NSD1: variants seen among roughly 807,000 people sequenced by gnomAD.
The protein encoded by NSD1 is nuclear receptor binding SET domain protein 1.
NSD1 carries 26 observed loss-of-function variants against 242.7 expected under a neutral mutation model. That is an observed-to-expected ratio of 0.11 (90% CI 0.08 to 0.15). NSD1 has a LOEUF of 0.15. NSD1 is among the 10% of genes least tolerant of loss of function. NSD1 has a pLI of 1.00. For synonymous variants in NSD1, 1,106 were observed against 1,178.1 expected (o/e 0.94, Z 1.25); for missense variants, 2,495 against 3,272.8 (o/e 0.76, Z 5.80).
At chr5:177,239,009 C>T (rs546502739) in intron 7 of NSD1, among the ~76,000 whole-genome samples, 3 of 152,334 alleles carry the variant, frequency 2.0e-5, no homozygotes, top group African/African-American at 7.2e-5. Flanking sequence ...CTCACTTGAT[C>T]ATTCTTTATA....
intron 9 of NSD1, 92 bp downstream of exon 9, chr5:177,244,362 C>T (rs773860225): frequency 1.4e-5 from 13 of 901,432 alleles, no homozygotes; most frequent in Middle Eastern, 2.2e-4. Flanking sequence ...TGTGTAAGCC[C>T]GACCAGTGAG....
intron 3 of NSD1, among the ~76,000 whole-genome samples, chr5:177,193,924 C>T (rs1352828077): frequency 2.6e-5 from 4 of 151,766 alleles, no homozygotes; most frequent in East Asian, 3.9e-4. Context: ...ATTACAGGTG[C>T]GTGCCACCAT....
Position 177,248,199 on chromosome 5 carries a change from A to G in NSD1, c.4516A>G (p.Arg1506Gly), listed in dbSNP as rs1317557608. 40 of 1,614,040 alleles carry G rather than the reference A, an allele frequency of 2.5e-5. No homozygotes were observed. The highest frequency in any genetic ancestry group is 3.3e-5 in the Non-Finnish European group (39 of 1,180,028). ...PGSEGELMPH[R>G]TATSPKETVE... ...TTGCAAGGGAGAACTAATGCCTCACAGGACGGCCACAAGCCCCAAGGAGAC... is the reference window on the plus strand; with the variant it reads ...TTGCAAGGGAGAACTAATGCCTCACGGGACGGCCACAAGCCCCAAGGAGAC... The change falls in exon 11 of 23, where the codon AGG (arginine) becomes GGG (glycine). Residue 1506 changes from arginine (R) to glycine (G), a missense_variant. Around this residue, in one of 19 missense-constraint regions of NSD1, gnomAD observed 97 missense variants for 97.7 expected, o/e 0.99. Transcript: ENST00000439151.
chr5:177,295,106 G>GCGAAGCAGA lies in NSD1; in HGVS notation c.7739_7747dup (p.Gln2582_Met2583insThrLysGln). On this transcript the variant is annotated inframe_insertion, in exon 23 of 23. Transcript: ENST00000439151. This position sits in a 1 kb window ranked among gnomAD's most constrained non-coding sequence, Gnocchi z 4.3. The stretch of plus-strand genomic sequence containing the variant: ...CCAATCCCCGGGCCTGGTGAAGCAG[G>GCGAAGCAGA]CGAAGCAGATGGTCGGAGGCCAGCA... 2.5e-6 allele frequency: 4 copies of GCGAAGCAGA among 1,612,372 alleles called. No individual in the cohort carries two copies. Among genetic ancestry groups the GCGAAGCAGA allele is most frequent in the Non-Finnish European group, 3.4e-6 (4 of 1,178,842 alleles).
chr5:177,212,069 G>T lies in NSD1; in HGVS notation c.3670G>T (p.Ala1224Ser), dbSNP rs769992763. 3 of 1,614,118 alleles carry T rather than the reference G, an allele frequency of 1.9e-6. No homozygotes were observed. The highest frequency in any genetic ancestry group is 1.7e-6 in the Non-Finnish European group (2 of 1,180,026). The change falls in exon 5 of 23, where the codon GCT becomes TCT. Residue 1224 changes from alanine to serine, a missense_variant. Around this residue, in one of 19 missense-constraint regions of NSD1, gnomAD observed 426 missense variants for 411.4 expected, o/e 1.04. Coordinates refer to ENST00000439151, the MANE Select transcript of NSD1 (RefSeq NM_022455.5). Reference sequence around the variant, plus strand: ...GGAACCACTGACAGAGCAAAATCATGCTGACTGCTTAGATTCAGCTGGGCC... The same window carrying T: ...GGAACCACTGACAGAGCAAAATCATTCTGACTGCTTAGATTCAGCTGGGCC... The part of the protein sequence containing the change: ...LEEPLTEQNH[A>S]DCLDSAGPRL...
Position 177,238,539 on chromosome 5 carries a change from C to T in NSD1, c.4192+32C>T, listed in dbSNP as rs1041427066. 11 of 1,606,710 alleles carry T rather than the reference C, an allele frequency of 6.8e-6. No individual in the cohort carries two copies. Among genetic ancestry groups the T allele is most frequent in the Non-Finnish European group, 9.3e-6 (11 of 1,178,768 alleles). On this transcript the variant is annotated intron_variant, in intron 7 of 22. Transcript: ENST00000439151. The surrounding 1 kb of genome is among the most constrained non-coding windows in gnomAD (Gnocchi z 4.6). ...TGGGGTTGGGGTCTCAGTATTTGAG[C>T]AGATATGATTAGAGGAAGCAGGAGA...
At chr5:177,229,306 C>T (rs1238797454) in intron 5 of NSD1, among the ~76,000 whole-genome samples, 2 of 152,154 alleles carry the variant, frequency 1.3e-5, no homozygotes, top group Non-Finnish European at 2.9e-5. Context: ...CTTCACAATA[C>T]AGTGACATTT....
chr5:177,291,509 C>G (rs1442773628), intron 21 of NSD1, among the ~76,000 whole-genome samples: 1 of 152,022 alleles, frequency 6.6e-6, no homozygotes, highest in East Asian at 1.9e-4. Flanking sequence ...AAAAATTAGC[C>G]AGGAGTGGTG....
intron 4 of NSD1, among the ~76,000 whole-genome samples, chr5:177,204,787 T>G (rs552983239): frequency 6.6e-4 from 98 of 148,686 alleles, no homozygotes; most frequent in African/African-American, 2.3e-3. Context: ...GTTTTTTTTG[T>G]TTGTTTGTTT....
At position 177,269,890 on chromosome 5, in the gene NSD1, T is replaced by TC; in HGVS notation, c.5509+85dup. The TC allele has an allele frequency of 1.6e-6, 2 of 1,246,296 alleles. No individual in the cohort carries two copies. The highest frequency in any genetic ancestry group is 2.3e-6 in the Non-Finnish European group (2 of 887,194). The allele number at this position is 1,246,296 out of a possible 1,614,324, so 77.2% of individuals were successfully genotyped here. A position where few individuals can be genotyped will look rare whatever the true frequency, so the allele number is the denominator to read the frequency against. On this transcript the variant is annotated intron_variant, in intron 16 of 22. Coordinates refer to ENST00000439151, the MANE Select transcript of NSD1 (RefSeq NM_022455.5). The surrounding 1 kb of genome is among the most constrained non-coding windows in gnomAD (Gnocchi z 5.1). Reference sequence around the variant, plus strand: ...GATCTGTTTTAGAATTCACATATGCTCCATTTTGAAACTGCCTTTGTCCTC... The same window carrying TC: ...GATCTGTTTTAGAATTCACATATGCTCCCATTTTGAAACTGCCTTTGTCCTC...
chr5:177,206,442 C>G (rs1247342267), intron 4 of NSD1, among the ~76,000 whole-genome samples: 1 of 152,126 alleles, frequency 6.6e-6, no homozygotes, highest in South Asian at 2.1e-4. Context: ...GCTGGCAATA[C>G]TTGTAGACTA....
At chr5:177,195,760 G>A (rs1371781107) in intron 3 of NSD1, among the ~76,000 whole-genome samples, 3 of 152,060 alleles carry the variant, frequency 2.0e-5, no homozygotes, top group South Asian at 2.1e-4. Flanking sequence ...AGGAGCTACC[G>A]CACTCAGCCT....
At chr5:177,165,187 A>C (rs957471941) in intron 2 of NSD1, among the ~76,000 whole-genome samples, 2 of 152,116 alleles carry the variant, frequency 1.3e-5, no homozygotes, top group Non-Finnish European at 1.5e-5. Flanking sequence ...TATCCTATTT[A>C]TTTTGAGACA....
At chr5:177,148,047 CTG>C (rs1757397997) in intron 2 of NSD1, among the ~76,000 whole-genome samples, 1 of 151,654 alleles carries the variant, frequency 6.6e-6, no homozygotes, top group Non-Finnish European at 1.5e-5. Flanking sequence ...TTTTGTGTGA[CTG>C]TAAGTTTTCA....
At position 177,251,793 on chromosome 5, in the gene NSD1, G is replaced by C. The variant is rs1755988614; in HGVS notation, c.4705G>C (p.Glu1569Gln). 3 of 1,614,042 alleles carry C rather than the reference G, an allele frequency of 1.9e-6. No homozygotes were observed. Among genetic ancestry groups the C allele is most frequent in the Non-Finnish European group, 2.5e-6 (3 of 1,180,006 alleles). ...TCAGTGCTGTGGGGCTTTCCACCTG[G>C]AGTGCCTTGGATTGACTGAGATGCC... ...EAQCCGAFHL[E>Q]CLGLTEMPRG... The change falls in exon 12 of 23, where the codon GAG becomes CAG. Residue 1569 changes from glutamate to glutamine, a missense_variant. Glu to Gln is a conservative substitution (Grantham distance 29, BLOSUM62 2). Around this residue, in one of 19 missense-constraint regions of NSD1, gnomAD observed 27 missense variants for 43.1 expected, o/e 0.63. Transcript: ENST00000439151.
chr5:177,252,499 TGGTAAAGCACTTCATAAA>T (rs1262148521), intron 12 of NSD1, among the ~76,000 whole-genome samples: 3 of 149,486 alleles, frequency 2.0e-5, no homozygotes, highest in Admixed American at 6.7e-5. Context: ...TGAGACCAGC[TGGTAAAGCACTTCATAAA>T]GCTGCGCTAA....
chr5:177,251,592 A>G (rs1024789763), intron 11 of NSD1, 138 bp from the exon 12 acceptor site: 6 of 781,118 alleles, frequency 7.7e-6, no homozygotes, highest in Admixed American at 7.3e-5. Context: ...ACTAAAATCT[A>G]CAACTACGGG....
rs1394176709 is a variant in NSD1, at chr5:177,134,983, C to G, written c.-17-104C>G. On this transcript the variant is annotated intron_variant, in intron 1 of 22. Transcript: ENST00000439151. The surrounding 1 kb of genome is among the most constrained non-coding windows in gnomAD (Gnocchi z 4.2). ...ACTTTTTCTGCCCATGGAAGTGCAG[C>G]AGAAAGGCATAGAGGCCACTAGGCC... The G allele has an allele frequency of 7.1e-6, 7 of 984,078 alleles. No homozygotes were observed. Among genetic ancestry groups the G allele is most frequent in the Non-Finnish European group, 1.1e-5 (7 of 632,228 alleles). The allele number at this position is 984,078 out of a possible 1,614,324, so 61.0% of individuals were successfully genotyped here. A position where few individuals can be genotyped will look rare whatever the true frequency, so the allele number is the denominator to read the frequency against.
In NSD1 at chr5:177,280,669, T is replaced by A; in HGVS notation, c.5727T>A (p.Ser1909=). 1.9e-6 allele frequency: 3 copies of A among 1,614,218 alleles called. No homozygotes were observed. Among genetic ancestry groups the A allele is most frequent in the Non-Finnish European group, 2.5e-6 (3 of 1,180,030 alleles). ...ATDENPCGID[S]ECINRMLLYE... ...ATGAGAACCCCTGTGGGATAGACTC[T>A]GAATGCATCAACCGCATGCTGCTCT... The change falls in exon 18 of 23, where the codon TCT becomes TCA. Residue 1909 remains serine (S), a synonymous_variant. Coordinates refer to ENST00000439151, the MANE Select transcript of NSD1 (RefSeq NM_022455.5).
Sources: allele counts gnomAD v4.1 joint callset (sites outside exome capture counted in the v4.1 genomes callset), GRCh38; gene constraint gnomAD v4.1.1; regional missense constraint gnomAD v4.1.1; non-coding constraint Gnocchi (gnomAD v3.1); transcripts MANE v1.5; gene names NCBI Gene and HGNC (gene_info 2026-07-23, HGNC 2026-07-21).